ZSCAN2: variants seen among roughly 807,000 people sequenced by gnomAD.
ZSCAN2 encodes zinc finger and SCAN domain containing 2.
Under a neutral mutation model 47.8 loss-of-function variants are expected in ZSCAN2, and 26 were observed. That is an observed-to-expected ratio of 0.54 (90% CI 0.40 to 0.75). The LOEUF (loss-of-function observed/expected upper bound fraction) is 0.75. Ranked by LOEUF, ZSCAN2 falls within the 30% of genes least tolerant of loss-of-function variation. The probability of loss-of-function intolerance (pLI) is 0.00; values close to 1 mark genes in which losing one functional copy is unlikely to be tolerated. For synonymous variants in ZSCAN2, 305 were observed against 288.7 expected (o/e 1.06, Z -0.57); for missense variants, 732 against 785.4 (o/e 0.93, Z 0.81).
chr15:84,607,230 G>A (rs1408919511), intron 2 of ZSCAN2, among the ~76,000 whole-genome samples: 2 of 151,978 alleles, frequency 1.3e-5, no homozygotes, highest in African/African-American at 4.8e-5. Context: ...TGAATTCTTG[G>A]AGCAGCTGCC....
chr15:84,622,954 C>T lies in ZSCAN2; in HGVS notation c.*914C>T. 2.3e-6 allele frequency: 1 copy of T among 432,788 alleles called. No individual in the cohort carries two copies. The allele number at this position is 432,788 out of a possible 1,614,324, so 26.8% of individuals were successfully genotyped here. A position where few individuals can be genotyped will look rare whatever the true frequency, so the allele number is the denominator to read the frequency against. ...CTGCACACAGCAGGGTGGGTTTGTG[C>T]CTTTGGCCCAACAGGTACATAGCCC... On this transcript the variant is annotated 3_prime_UTR_variant, in exon 3 of 3. Coordinates refer to ENST00000546148, the MANE Select transcript of ZSCAN2 (RefSeq NM_181877.4).
rs1263407662 is a variant in ZSCAN2, at chr15:84,601,087, G to T, written c.-157G>T. The T allele has an allele frequency of 1.3e-5, 2 of 152,538 alleles. No individual in the cohort carries two copies. Among genetic ancestry groups the T allele is most frequent in the Non-Finnish European group, 2.9e-5 (2 of 68,314 alleles). The allele number at this position is 152,538 out of a possible 1,614,324, so 9.4% of individuals were successfully genotyped here. On this transcript the variant is annotated 5_prime_UTR_variant, in exon 1 of 3. Transcript: ENST00000546148. ...GAGGGGCCGGGCCGAGCCCGGGGGC[G>T]CTTTCGCACGCGAAGCAACCGCTAG...
At chr15:84,617,623 A>G (rs894457665) in intron 2 of ZSCAN2, among the ~76,000 whole-genome samples, 5 of 151,792 alleles carry the variant, frequency 3.3e-5, no homozygotes, top group African/African-American at 1.2e-4. Flanking sequence ...GTTTAATTAT[A>G]TGCCTGTTTT....
chr15:84,616,935 C>T (rs1330106378), intron 2 of ZSCAN2, among the ~76,000 whole-genome samples: 1 of 152,080 alleles, frequency 6.6e-6, no homozygotes, highest in Non-Finnish European at 1.5e-5. Context: ...CCTGCCTGAC[C>T]AACATGGAGA....
intron 2 of ZSCAN2, among the ~76,000 whole-genome samples, chr15:84,607,996 C>G (rs1168894706): frequency 6.6e-6 from 1 of 152,180 alleles, no homozygotes; most frequent in Non-Finnish European, 1.5e-5. Context: ...AGTCGTCTCC[C>G]CCAGAACATT....
intron 2 of ZSCAN2, among the ~76,000 whole-genome samples, chr15:84,619,344 G>A (rs2141796586): frequency 6.6e-6 from 1 of 152,150 alleles, no homozygotes; most frequent in Admixed American, 6.5e-5. Context: ...GCAAGAGAAT[G>A]GCGTGAACTG....
rs1216046087 is a variant in ZSCAN2 at position 84,606,485 on chromosome 15, A to G, written c.406+2152A>G. The G allele has an allele frequency of 3.4e-6, 5 of 1,482,908 alleles. No individual in the cohort carries two copies. In the African/African-American group the frequency reaches 6.9e-5, roughly 21 times the overall value. The allele number at this position is 1,482,908 out of a possible 1,614,324, so 91.9% of individuals were successfully genotyped here. A position where few individuals can be genotyped will look rare whatever the true frequency, so the allele number is the denominator to read the frequency against. On this transcript the variant is annotated intron_variant, in intron 2 of 2. Transcript: ENST00000546148. ...GGCCCTGAAAAAATAACTGCATTTT[A>G]TTCCTTCTATTAAAATAAGCAAACC...
At chr15:84,620,515 A>T in intron 2 of ZSCAN2, 87 bp from the exon 3 acceptor site, 2 of 1,250,736 alleles carry the variant, frequency 1.6e-6, no homozygotes, top group Non-Finnish European at 2.2e-6. Context: ...CTGGAAGTTT[A>T]ATTTTTATAA....
chr15:84,621,270 G>A lies in ZSCAN2; in HGVS notation c.1075G>A (p.Glu359Lys), dbSNP rs1895810358. 3.7e-6 allele frequency: 6 copies of A among 1,613,928 alleles called. No homozygotes were observed. Among genetic ancestry groups the A allele is most frequent in the Non-Finnish European group, 5.1e-6 (6 of 1,179,984 alleles). ...CACGCATCAGGGGATCCACACTGGA[G>A]AAAAGCCCTACGAATGTAAAGAATG... is the stretch of plus-strand genomic sequence containing the variant. ...LNTHQGIHTG[E>K]KPYECKECGE... is the part of the protein sequence containing the mutation. Residue 359 changes from glutamate (E) to lysine (K), a missense_variant, in exon 3 of 3, where the codon GAA becomes AAA. Coordinates refer to ENST00000546148, the MANE Select transcript of ZSCAN2 (RefSeq NM_181877.4). This position sits in a 1 kb window ranked among gnomAD's most constrained non-coding sequence, Gnocchi z 5.7.
chr15:84,612,828 G>T (rs763114256), intron 2 of ZSCAN2, among the ~76,000 whole-genome samples: 9 of 152,176 alleles, frequency 5.9e-5, no homozygotes, highest in Non-Finnish European at 1.3e-4. Flanking sequence ...TGATTGTCTT[G>T]TATGTAATAC....
chr15:84,603,715 T>C, intron 1 of ZSCAN2, 105 bp from the exon 2 acceptor site: 1 of 506,620 alleles, frequency 2.0e-6, no homozygotes, highest in Non-Finnish European at 3.5e-6. Flanking sequence ...CGTCTGTTGG[T>C]TTGCATATGT....
At chr15:84,619,567 T>C (rs1303689872) in intron 2 of ZSCAN2, among the ~76,000 whole-genome samples, 1 of 152,244 alleles carries the variant, frequency 6.6e-6, no homozygotes, top group Non-Finnish European at 1.5e-5. Context: ...TCATCTTTCC[T>C]GTGTCTAAAT....
Position 84,603,821 on chromosome 15 carries a change from G to A in ZSCAN2, c.-107G>A, listed in dbSNP as rs147730851. The A allele has an allele frequency of 1.1e-4, 142 of 1,312,830 alleles. 4 individuals carry two copies. In the East Asian group the frequency reaches 2.8e-3, roughly 26 times the overall value. 81.3% of individuals were successfully genotyped at this position (1,312,830 alleles called of 1,614,324 possible). On this transcript the variant is annotated splice_region_variant and 5_prime_UTR_variant, in exon 2 of 3. Transcript: ENST00000546148. Reference sequence around the variant, plus strand: ...ATGGTTCTCTTTTTTGTTTCTCAGCGGGACTACTTGTTGATATTTGAGGAG... The same window carrying A: ...ATGGTTCTCTTTTTTGTTTCTCAGCAGGACTACTTGTTGATATTTGAGGAG...
Position 84,622,708 on chromosome 15 carries a change from T to C in ZSCAN2, c.*668T>C. The C allele has an allele frequency of 1.4e-6, 1 of 717,176 alleles. No individual in the cohort carries two copies. The highest frequency in any genetic ancestry group is 2.3e-4 in the Middle Eastern group (1 of 4,352). 44.4% of individuals were successfully genotyped at this position (717,176 alleles called of 1,614,324 possible). On this transcript the variant is annotated 3_prime_UTR_variant, in exon 3 of 3. Transcript: ENST00000546148. ...CTGGAGCCAGTGTCCCAGTGTCCTT[T>C]CCATTGGTAAGAGTTGGACAGGGCC... is the stretch of plus-strand genomic sequence containing the variant.
intron 2 of ZSCAN2, chr15:84,614,906 T>A (rs975851508): frequency 2.0e-5 from 3 of 152,174 alleles, no homozygotes; most frequent in African/African-American, 7.2e-5. Context: ...TGGCCCATGG[T>A]GTAACTTTCA....
At chr15:84,604,648 C>T (rs1277739669) in intron 2 of ZSCAN2, among the ~76,000 whole-genome samples, 2 of 152,030 alleles carry the variant, frequency 1.3e-5, no homozygotes, top group African/African-American at 4.8e-5. Context: ...CCCCTGGCAC[C>T]TTCACGTGGT....
intron 2 of ZSCAN2, among the ~76,000 whole-genome samples, chr15:84,609,159 C>G (rs1005037694): frequency 6.6e-6 from 1 of 152,202 alleles, no homozygotes; most frequent in Non-Finnish European, 1.5e-5. Context: ...CACATACATT[C>G]ATTTGTCTCA....
chr15:84,601,651 C>G (rs900196477), intron 1 of ZSCAN2, among the ~76,000 whole-genome samples: 2 of 151,834 alleles, frequency 1.3e-5, no homozygotes, highest in Admixed American at 6.6e-5. Flanking sequence ...GCTTTTCTCC[C>G]CTTTTCATTG....
Position 84,622,728 on chromosome 15 carries a change from A to G in ZSCAN2, c.*688A>G, listed in dbSNP as rs1399512215. On this transcript the variant is annotated 3_prime_UTR_variant, in exon 3 of 3. Transcript: ENST00000546148. Reference sequence around the variant, plus strand: ...TCCTTTCCATTGGTAAGAGTTGGACAGGGCCTTCAGGAAAGGGGTAAACCG... The same window carrying G: ...TCCTTTCCATTGGTAAGAGTTGGACGGGGCCTTCAGGAAAGGGGTAAACCG... 8.4e-6 allele frequency: 6 copies of G among 715,694 alleles called. No individual in the cohort carries two copies. The highest frequency in any genetic ancestry group is 5.2e-6 in the Non-Finnish European group (2 of 384,528). The allele number at this position is 715,694 out of a possible 1,614,324, so 44.3% of individuals were successfully genotyped here.
Sources: allele counts gnomAD v4.1 joint callset (sites outside exome capture counted in the v4.1 genomes callset), GRCh38; gene constraint gnomAD v4.1.1; non-coding constraint Gnocchi (gnomAD v3.1); transcripts MANE v1.5; gene names NCBI Gene and HGNC (gene_info 2026-07-23, HGNC 2026-07-21).